Variants in PRKCG observed in about 807,000 individuals in gnomAD.
PRKCG encodes the protein protein kinase C gamma.
A neutral mutation model predicts 82.0 loss-of-function variants in PRKCG; 28 were observed. The ratio of observed to expected loss-of-function variants is 0.34; its 90% CI spans 0.25 to 0.47. The LOEUF (loss-of-function observed/expected upper bound fraction) is 0.47. PRKCG is among the 20% of genes least tolerant of loss of function. The pLI is 1.00. For synonymous variants in PRKCG, 383 were observed against 376.6 expected, an observed-to-expected ratio of 1.02 and a Z score of -0.20; for missense variants, 640 against 952.7, an observed-to-expected ratio of 0.67 and a Z score of 4.32.
At position 53,889,978 on chromosome 19, in the gene PRKCG, G is replaced by A. The variant is rs1246087299; in HGVS notation, c.490G>A (p.Glu164Lys). ...CGAGCGCCGCGGGCGCCTGCAGCTG[G>A]AGATCCGGGCTCCCACAGCAGATGA... Reference protein sequence around the residue: ...HTERRGRLQLEIRAPTADEIH... With the variant: ...HTERRGRLQLKIRAPTADEIH... The change falls in exon 5 of 18, where the codon GAG becomes AAG. Residue 164 changes from glutamate (E) to lysine (K), a missense_variant. By Grantham distance (56) the Glu-to-Lys change is moderately conservative. Coordinates refer to ENST00000263431, the MANE Select transcript of PRKCG (RefSeq NM_002739.5). This position sits in a 1 kb window ranked among gnomAD's most constrained non-coding sequence, Gnocchi z 4.4. 7.0e-6 allele frequency: 11 copies of A among 1,572,998 alleles called. No individual in the cohort carries two copies. Among genetic ancestry groups the A allele is most frequent in the Non-Finnish European group, 9.5e-6 (11 of 1,161,162 alleles).
chr19:53,884,255 G>A lies in PRKCG; in HGVS notation c.285+12G>A. On this transcript the variant is annotated intron_variant, in intron 3 of 17. Coordinates refer to ENST00000263431, the MANE Select transcript of PRKCG (RefSeq NM_002739.5). The surrounding 1 kb of genome is among the most constrained non-coding windows in gnomAD (Gnocchi z 4.6). ...GCCCCCAGACGGACGTGAGTGCTCGGACACCTGGTTCTCCTCCTCGGGCCG... is the reference window on the plus strand; with the variant it reads ...GCCCCCAGACGGACGTGAGTGCTCGAACACCTGGTTCTCCTCCTCGGGCCG... 5 of 1,613,286 alleles carry A rather than the reference G, an allele frequency of 3.1e-6. No homozygotes were observed. The highest frequency in any genetic ancestry group is 4.2e-6 in the Non-Finnish European group (5 of 1,179,730).
rs1429894259 is a variant in PRKCG, at chr19:53,900,567, C to T, written c.1437-44C>T. On this transcript the variant is annotated intron_variant, in intron 13 of 17. Transcript: ENST00000263431. This position sits in a 1 kb window ranked among gnomAD's most constrained non-coding sequence, Gnocchi z 4.2. Reference sequence around the variant, plus strand: ...ATATGTGGCTCTAGACTGCTGAACTCAACACTTCTTGCAATTCCTGCCCCA... The same window carrying T: ...ATATGTGGCTCTAGACTGCTGAACTTAACACTTCTTGCAATTCCTGCCCCA... 6.2e-7 allele frequency: 1 copy of T among 1,614,198 alleles called. No homozygotes were observed. Among genetic ancestry groups the T allele is most frequent in the South Asian group, 1.1e-5 (1 of 91,082 alleles).
At chr19:53,891,316 G>A (rs1428715761) in intron 5 of PRKCG, among the ~76,000 whole-genome samples, 7 of 149,062 alleles carry the variant, frequency 4.7e-5, no homozygotes, top group East Asian at 4.0e-4. Flanking sequence ...TCGCTGTGAC[G>A]CCCAGGCTGG....
chr19:53,885,862 G>A (rs924436435), intron 3 of PRKCG, among the ~76,000 whole-genome samples: 5 of 151,598 alleles, frequency 3.3e-5, no homozygotes, highest in Admixed American at 6.6e-5. Flanking sequence ...ACTCACCTCC[G>A]CCACCAACAC....
chr19:53,887,722 C>T (rs182662357), intron 3 of PRKCG, among the ~76,000 whole-genome samples: 30 of 147,526 alleles, frequency 2.0e-4, no homozygotes, highest in Admixed American at 1.1e-3. Flanking sequence ...CCCAGCTACT[C>T]GGGAGGCTGA....
In PRKCG at chr19:53,900,274, C is replaced by T. The variant is rs1317043517; in HGVS notation, c.1323C>T (p.Asp441=). 1.2e-6 allele frequency: 2 copies of T among 1,614,008 alleles called. No homozygotes were observed. Among genetic ancestry groups the T allele is most frequent in the East Asian group, 2.2e-5 (1 of 44,872 alleles). The change falls in exon 12 of 18, where the codon GAC becomes GAT. Residue 441 remains aspartate, a synonymous_variant. Coordinates refer to ENST00000263431, the MANE Select transcript of PRKCG (RefSeq NM_002739.5). This position sits in a 1 kb window ranked among gnomAD's most constrained non-coding sequence, Gnocchi z 4.2. ...TGATGGAGTACGTCACCGGGGGAGA[C>T]TTGATGTACCACATTCAACAGCTGG... ...YFVMEYVTGG[D]LMYHIQQLGK...
chr19:53,900,684 G>A lies in PRKCG; in HGVS notation c.1510G>A (p.Glu504Lys). Residue 504 changes from glutamate to lysine, a missense_variant, in exon 14 of 18, where the codon GAG becomes AAG. Glu to Lys is a moderately conservative substitution (Grantham distance 56). This residue lies in a region of PRKCG where 198 missense variants were observed against 273.4 expected (regional missense o/e 0.72). Transcript: ENST00000263431. The surrounding 1 kb of genome is among the most constrained non-coding windows in gnomAD (Gnocchi z 4.2). ...IKITDFGMCK[E>K]NVFPGTTTRT... ...GATCACTGACTTTGGCATGTGTAAGGAGAACGTCTTCCCCGGGACGACAAC... is the reference window on the plus strand; with the variant it reads ...GATCACTGACTTTGGCATGTGTAAGAAGAACGTCTTCCCCGGGACGACAAC... 1 of 1,614,226 alleles carries A rather than the reference G, an allele frequency of 6.2e-7. No homozygotes were observed. Among genetic ancestry groups the A allele is most frequent in the Non-Finnish European group, 8.5e-7 (1 of 1,180,054 alleles).
chr19:53,906,499 G>T (rs1403867397), intron 17 of PRKCG, 42 bp downstream of exon 17: 2 of 1,568,914 alleles, frequency 1.3e-6, no homozygotes, highest in Non-Finnish European at 1.7e-6. Context: ...TCCCTGAAGG[G>T]GTGGGGTTCC....
At chr19:53,902,557 C>G (rs2068771096) in intron 14 of PRKCG, among the ~76,000 whole-genome samples, 1 of 152,114 alleles carries the variant, frequency 6.6e-6, no homozygotes, top group South Asian at 2.1e-4. Context: ...AGTAGGTATG[C>G]TTTGTTTCCA....
rs1423611335 is a variant in PRKCG at position 53,900,530 on chromosome 19, G to T, written c.1436+49G>T. 1.2e-6 allele frequency: 2 copies of T among 1,614,164 alleles called. No individual in the cohort carries two copies. Among genetic ancestry groups the T allele is most frequent in the Non-Finnish European group, 8.5e-7 (1 of 1,180,022 alleles). On this transcript the variant is annotated intron_variant, in intron 13 of 17. Transcript: ENST00000263431. This position sits in a 1 kb window ranked among gnomAD's most constrained non-coding sequence, Gnocchi z 4.2. ...TGGAGGAAATCACGCCCCTGGAAGGGAAGGGATTTGAATATGTGGCTCTAG... is the reference window on the plus strand; with the variant it reads ...TGGAGGAAATCACGCCCCTGGAAGGTAAGGGATTTGAATATGTGGCTCTAG...
Position 53,900,277 on chromosome 19 carries a change from G to C in PRKCG, c.1326G>C (p.Leu442Phe). ...TGGAGTACGTCACCGGGGGAGACTTGATGTACCACATTCAACAGCTGGGCA... is the reference window on the plus strand; with the variant it reads ...TGGAGTACGTCACCGGGGGAGACTTCATGTACCACATTCAACAGCTGGGCA... ...FVMEYVTGGD[L>F]MYHIQQLGKF... The change falls in exon 12 of 18, where the codon TTG becomes TTC. Residue 442 changes from leucine to phenylalanine, a missense_variant. Transcript: ENST00000263431. This position sits in a 1 kb window ranked among gnomAD's most constrained non-coding sequence, Gnocchi z 4.2. The C allele has an allele frequency of 6.2e-7, 1 of 1,614,114 alleles. No individual in the cohort carries two copies. Among genetic ancestry groups the C allele is most frequent in the Non-Finnish European group, 8.5e-7 (1 of 1,180,020 alleles).
At chr19:53,893,257 C>A in intron 8 of PRKCG, 105 bp from the exon 9 acceptor site, 1 of 1,375,398 alleles carries the variant, frequency 7.3e-7, no homozygotes, top group Non-Finnish European at 1.0e-6. Context: ...AATTATAGTT[C>A]CTATCTATCG....
At position 53,882,520 on chromosome 19, in the gene PRKCG, G is replaced by A; in HGVS notation, c.26G>A (p.Gly9Asp). The change falls in exon 1 of 18, where the codon GGC (glycine) becomes GAC (aspartate). Residue 9 changes from glycine (G) to aspartate (D), a missense_variant. By Grantham distance (94) the Gly-to-Asp change is moderately conservative. Around this residue, in one of 7 missense-constraint regions of PRKCG, gnomAD observed 27 missense variants for 23.9 expected, o/e 1.13. Transcript: ENST00000263431. This position sits in a 1 kb window ranked among gnomAD's most constrained non-coding sequence, Gnocchi z 6.1. MAGLGPGV[G>D]DSEGGPRPLF... ...ATGGCTGGTCTGGGCCCCGGCGTAG[G>A]CGATTCAGAGGGGGGACCCCGGCCC... 6.2e-7 allele frequency: 1 copy of A among 1,614,136 alleles called. No homozygotes were observed. The highest frequency in any genetic ancestry group is 8.5e-7 in the Non-Finnish European group (1 of 1,180,004).
At chr19:53,906,075 CCTCCTCCTCCTT>C (rs1294251659) in intron 16 of PRKCG, among the ~76,000 whole-genome samples, 10 of 47,840 alleles carry the variant, frequency 2.1e-4, no homozygotes, top group East Asian at 3.4e-4. Context: ...TCCTCCTCCT[CCTCCTCCTCCTT>C]CTTCTTCTTC....
rs774214648 is a variant in PRKCG, at chr19:53,893,085, C to T, written c.909+10C>T. ...CCTCCAGAAGTTTGAGGTACCCAGA[C>T]CCTGGCTTCCTCAAGGGAGCCCAGC... On this transcript the variant is annotated intron_variant, in intron 8 of 17. Transcript: ENST00000263431. 9 of 1,611,986 alleles carry T rather than the reference C, an allele frequency of 5.6e-6. No homozygotes were observed. Among genetic ancestry groups the T allele is most frequent in the Non-Finnish European group, 7.6e-6 (9 of 1,178,578 alleles).
At position 53,892,700 on chromosome 19, in the gene PRKCG, G is replaced by A. The variant is rs1302495438; in HGVS notation, c.821+57G>A. The A allele has an allele frequency of 1.3e-6, 2 of 1,580,202 alleles. No homozygotes were observed. Among genetic ancestry groups the A allele is most frequent in the Non-Finnish European group, 8.6e-7 (1 of 1,167,590 alleles). ...GCGCAATATTACCATCTCCATCTGT[G>A]TGTGGTCTCTCTCCTCCAGGCCACT... is the stretch of plus-strand genomic sequence containing the variant. On this transcript the variant is annotated intron_variant, in intron 7 of 17. Coordinates refer to ENST00000263431, the MANE Select transcript of PRKCG (RefSeq NM_002739.5). This position sits in a 1 kb window ranked among gnomAD's most constrained non-coding sequence, Gnocchi z 5.9.
chr19:53,894,069 T>G (rs770809682), intron 9 of PRKCG, among the ~76,000 whole-genome samples: 5 of 150,852 alleles, frequency 3.3e-5, no homozygotes, highest in Non-Finnish European at 7.4e-5. Context: ...TTCTTGAGTT[T>G]TTTATTTTTT....
rs1442953933 is a variant in PRKCG at position 53,900,314 on chromosome 19, C to G, written c.1363C>G (p.Pro455Ala). 1.2e-6 allele frequency: 2 copies of G among 1,614,018 alleles called. No individual in the cohort carries two copies. The highest frequency in any genetic ancestry group is 1.1e-5 in the South Asian group (1 of 91,064). The change falls in exon 12 of 18, where the codon CCC becomes GCC. Residue 455 changes from proline (P) to alanine (A), a missense_variant. Around this residue, in one of 7 missense-constraint regions of PRKCG, gnomAD observed 78 missense variants for 105.6 expected, o/e 0.74. Transcript: ENST00000263431. This position sits in a 1 kb window ranked among gnomAD's most constrained non-coding sequence, Gnocchi z 4.2. Reference sequence around the variant, plus strand: ...TCAACAGCTGGGCAAGTTTAAGGAGCCCCATGCAGCGTGAGTCTCGGCCAA... The same window carrying G: ...TCAACAGCTGGGCAAGTTTAAGGAGGCCCATGCAGCGTGAGTCTCGGCCAA... Reference protein sequence around the residue: ...HIQQLGKFKEPHAAFYAAEIA... With the variant: ...HIQQLGKFKEAHAAFYAAEIA...
In PRKCG at chr19:53,892,705, G is replaced by T. The variant is rs2068686303; in HGVS notation, c.821+62G>T. The T allele has an allele frequency of 5.1e-6, 8 of 1,571,614 alleles. No homozygotes were observed. The highest frequency in any genetic ancestry group is 6.9e-6 in the Non-Finnish European group (8 of 1,163,402). ...ATATTACCATCTCCATCTGTGTGTG[G>T]TCTCTCTCCTCCAGGCCACTGTCCT... is the stretch of plus-strand genomic sequence containing the variant. On this transcript the variant is annotated intron_variant, in intron 7 of 17. Transcript: ENST00000263431. The surrounding 1 kb of genome is among the most constrained non-coding windows in gnomAD (Gnocchi z 5.9).
Sources: gnomAD v4.1 joint callset for allele counts (sites outside exome capture counted in the v4.1 genomes callset) on GRCh38, gnomAD v4.1.1 for gene constraint, gnomAD v4.1.1 regional missense constraint, Gnocchi (gnomAD v3.1) non-coding constraint, MANE v1.5 for transcripts, NCBI Gene and HGNC (gene_info 2026-07-23, HGNC 2026-07-21) for gene names.